Variants in CTNNA3 observed in about 807,000 individuals in gnomAD.
CTNNA3 encodes the protein catenin alpha-3.
Under a neutral mutation model 95.7 loss-of-function variants are expected in CTNNA3, and 76 were observed. The observed-to-expected ratio is 0.79, with a 90% CI of 0.66 to 0.96. CTNNA3 has a LOEUF of 0.96. CTNNA3 is among the 40% of genes least tolerant of loss of function. CTNNA3 has a pLI of 0.00. For synonymous variants in CTNNA3, 431 were observed against 374.4 expected, an observed-to-expected ratio of 1.15 and a Z score of -1.74; for missense variants, 1,191 against 1,089.8, an observed-to-expected ratio of 1.09 and a Z score of -1.31.
At chr10:66,588,378 G>A (rs1843432516) in intron 10 of CTNNA3, among the ~76,000 whole-genome samples, 1 of 152,186 alleles carries the variant, frequency 6.6e-6, no homozygotes, top group Non-Finnish European at 1.5e-5. Context: ...TTAGAAAGAA[G>A]TGCACATTGT....
At chr10:67,271,519 C>T (rs994694450) in intron 5 of CTNNA3, among the ~76,000 whole-genome samples, 2 of 152,104 alleles carry the variant, frequency 1.3e-5, no homozygotes, top group Non-Finnish European at 2.9e-5. Flanking sequence ...TACAAATTAC[C>T]CAGTCCCAGG....
chr10:66,214,870 T>C (rs1218953778), intron 13 of CTNNA3, among the ~76,000 whole-genome samples: 3 of 151,892 alleles, frequency 2.0e-5, no homozygotes, highest in Non-Finnish European at 4.4e-5. Flanking sequence ...TCTCAGTATA[T>C]ATAAAGAATT....
chr10:66,826,546 G>A (rs975614667), intron 7 of CTNNA3, among the ~76,000 whole-genome samples: 2 of 152,076 alleles, frequency 1.3e-5, no homozygotes, highest in African/African-American at 4.8e-5. Context: ...TATAATTACT[G>A]TAAGATAATA....
At position 67,127,856 on chromosome 10, in the gene CTNNA3, C is replaced by T. The variant is rs529795227; in HGVS notation, c.1047+52461G>A. 5.7e-4 allele frequency among the ~76,000 whole-genome samples: 84 copies of T among 146,886 alleles called. 2 individuals carry two copies. The South Asian group carries it at 0.018, about 31-fold the overall frequency. On this transcript the variant is annotated intron_variant, in intron 7 of 17. Transcript: ENST00000433211. ...AAGAACTTGAGATTGTGATCAGAGACTTTATAATTCTGTGTGTGTGTCTGT... is the reference window on the plus strand; with the variant it reads ...AAGAACTTGAGATTGTGATCAGAGATTTTATAATTCTGTGTGTGTGTCTGT...
At chr10:66,440,798 G>T (rs2135702) in intron 11 of CTNNA3, among the ~76,000 whole-genome samples, 1 of 151,890 alleles carries the variant, frequency 6.6e-6, no homozygotes, top group Non-Finnish European at 1.5e-5. Flanking sequence ...TATCAGTTGA[G>T]TAAATATAAT....
chr10:67,155,608 T>C lies in CTNNA3; in HGVS notation c.1047+24709A>G, dbSNP rs928015355. ...ATCCTATTATGTACATTGGGATATG[T>C]TGTTTATTCATTTTACAGATGAAAA... is the stretch of plus-strand genomic sequence containing the variant. On this transcript the variant is annotated intron_variant, in intron 7 of 17. Coordinates refer to ENST00000433211, the MANE Select transcript of CTNNA3 (RefSeq NM_013266.4). Among the ~76,000 whole-genome samples the C allele has an allele frequency of 6.6e-5, 10 of 152,148 alleles. No homozygotes were observed. In the South Asian group the frequency reaches 1.5e-3, roughly 22 times the overall value.
At chr10:66,860,329 T>G (rs982542944) in intron 7 of CTNNA3, among the ~76,000 whole-genome samples, 4 of 152,110 alleles carry the variant, frequency 2.6e-5, no homozygotes, top group African/African-American at 9.7e-5. Flanking sequence ...GAAGAAAAAT[T>G]ACTTGCTTCT....
intron 9 of CTNNA3, among the ~76,000 whole-genome samples, chr10:66,754,937 GA>G (rs1427827578): frequency 6.6e-6 from 1 of 152,018 alleles, no homozygotes; most frequent in Non-Finnish European, 1.5e-5. Context: ...TCATATGACC[GA>G]AACCCAGAAA....
At chr10:67,426,957 AG>A (rs1845943549) in intron 5 of CTNNA3, among the ~76,000 whole-genome samples, 1 of 152,110 alleles carries the variant, frequency 6.6e-6, no homozygotes, top group Admixed American at 6.6e-5. Context: ...TTCCAGATTC[AG>A]TCATCAAGAG....
At chr10:67,371,641 G>C (rs1025793082) in intron 5 of CTNNA3, among the ~76,000 whole-genome samples, 2 of 152,142 alleles carry the variant, frequency 1.3e-5, no homozygotes, top group African/African-American at 4.8e-5. Context: ...ATGGACATCT[G>C]GGTTGGTTCC....
intron 15 of CTNNA3, among the ~76,000 whole-genome samples, chr10:66,056,261 A>AT (rs562051372): frequency 1.3e-5 from 2 of 151,962 alleles, no homozygotes; most frequent in South Asian, 2.1e-4. Flanking sequence ...ATGTTATCAG[A>AT]TTTTTTTTAA....
Position 65,988,690 on chromosome 10 carries a change from AC to A in CTNNA3, c.2265+1del, listed in dbSNP as rs2078476986. 26 of 1,610,648 alleles carry A rather than the reference AC, an allele frequency of 1.6e-5. No individual in the cohort carries two copies. The highest frequency in any genetic ancestry group is 2.1e-5 in the Non-Finnish European group (25 of 1,177,058). On this transcript the variant is annotated splice_donor_variant, in intron 16 of 17. Coordinates refer to ENST00000433211, the MANE Select transcript of CTNNA3 (RefSeq NM_013266.4). LOFTEE classifies it high-confidence loss of function. ...TATGATGTCCACTTGTAAGTAACTC[AC>A]CTGATTAGCAATCTGCCGAGCAAGG...
intron 5 of CTNNA3, among the ~76,000 whole-genome samples, chr10:67,446,965 C>T (rs111609481): frequency 2.0e-5 from 3 of 151,992 alleles, no homozygotes; most frequent in African/African-American, 2.4e-5. Flanking sequence ...ATTAGCCGGG[C>T]GTGGTGGCGG....
At chr10:67,202,068 T>C (rs60498540) in intron 6 of CTNNA3, among the ~76,000 whole-genome samples, 44,588 of 152,106 alleles carry the variant, frequency 0.29, 9,460 homozygotes, top group African/African-American at 0.61. Context: ...CAATAGTATC[T>C]TCATCAAAAA....
chr10:67,158,179 A>G (rs1861390657), intron 7 of CTNNA3, among the ~76,000 whole-genome samples: 1 of 152,126 alleles, frequency 6.6e-6, no homozygotes, highest in South Asian at 2.1e-4. Context: ...GCCCATAAAA[A>G]CAGGCAAACT....
chr10:67,187,204 C>T (rs936100189), intron 6 of CTNNA3, among the ~76,000 whole-genome samples: 7 of 152,146 alleles, frequency 4.6e-5, no homozygotes, highest in Non-Finnish European at 8.8e-5. Flanking sequence ...GCTATAACTA[C>T]CATGCAATGC....
At chr10:66,039,273 T>G (rs1292475166) in intron 15 of CTNNA3, among the ~76,000 whole-genome samples, 1 of 152,018 alleles carries the variant, frequency 6.6e-6, no homozygotes. Context: ...AAAACATTCC[T>G]ACTAGGAAGA....
chr10:67,070,978 G>A (rs772680028), intron 7 of CTNNA3, among the ~76,000 whole-genome samples: 1 of 152,106 alleles, frequency 6.6e-6, no homozygotes, highest in Non-Finnish European at 1.5e-5. Flanking sequence ...ATTGCAACAT[G>A]CATTCTTGAG....
intron 14 of CTNNA3, among the ~76,000 whole-genome samples, chr10:66,084,388 A>G (rs1235943411): frequency 6.6e-6 from 1 of 152,048 alleles, no homozygotes; most frequent in African/African-American, 2.4e-5. Flanking sequence ...CAAAAATTAA[A>G]AACTAAAAAA....
Sources: gnomAD v4.1 joint callset for allele counts (sites outside exome capture counted in the v4.1 genomes callset) on GRCh38, gnomAD v4.1.1 for gene constraint, MANE v1.5 for transcripts, NCBI Gene and HGNC (gene_info 2026-07-23, HGNC 2026-07-21) for gene names.